The following PNKP variants were observed in gnomAD, a reference collection of about 807,000 sequenced individuals.
The protein encoded by PNKP is bifunctional polynucleotide phosphatase/kinase.
In PNKP, 82 loss-of-function variants were observed where a neutral mutation model predicts 66.2. The ratio of observed to expected loss-of-function variants is 1.24; its 90% CI spans 1.04 to 1.49. The LOEUF is 1.49. Among genes scored for constraint, PNKP ranks in the 40% most tolerant of loss-of-function variants. The pLI is 0.00. For missense variants in PNKP, 907 were observed against 706.8 expected (o/e 1.28, Z -3.21); for synonymous variants, 412 against 298.9 (o/e 1.38, Z -3.90).
chr19:49,862,318 C>T, intron 11 of PNKP, 37 bp from the exon 12 acceptor site: 2 of 1,544,524 alleles, frequency 1.3e-6, no homozygotes, highest in Non-Finnish European at 8.8e-7. Context: ...GATGCCGTCC[C>T]CATCCCCGGG....
intron 2 of PNKP, 101 bp downstream of exon 2, chr19:49,866,953 C>A: frequency 1.7e-6 from 2 of 1,162,878 alleles, no homozygotes; most frequent in Non-Finnish European, 2.6e-6. Context: ...GACTTCGGGG[C>A]TGGCTGCACC....
At chr19:49,866,857 C>T (rs948683065) in intron 2 of PNKP, 197 bp downstream of exon 2, 1 of 644,766 alleles carries the variant, frequency 1.6e-6, no homozygotes. Flanking sequence ...CCTAAATCGG[C>T]TCGATCCCCT....
rs766816785 is a variant in PNKP, at chr19:49,861,874, A to G, written c.1196T>C (p.Leu399Pro). ...GGTCACACAGCGCTGCCAGGAGCCT[A>G]GCGTGTCCTGGGGACACGAGAGGTC... Reference protein sequence around the residue: ...AGYVHVNRDTLGSWQRCVTTC... With the variant: ...AGYVHVNRDTPGSWQRCVTTC... Residue 399 changes from leucine to proline, a missense_variant, in exon 14 of 17, where the codon CTA (leucine) becomes CCA (proline). Coordinates refer to ENST00000322344, the MANE Select transcript of PNKP (RefSeq NM_007254.4). 51 of 1,589,730 alleles carry G rather than the reference A, an allele frequency of 3.2e-5. No individual in the cohort carries two copies. The highest frequency in any genetic ancestry group is 3.8e-5 in the Non-Finnish European group (45 of 1,170,898).
rs199541652 is a variant in PNKP at position 49,864,254 on chromosome 19, C to G, written c.579-18G>C. The G allele has an allele frequency of 6.2e-7, 1 of 1,613,976 alleles. No homozygotes were observed. Among genetic ancestry groups the G allele is most frequent in the African/African-American group, 1.3e-5 (1 of 75,016 alleles). ...ACAAGATCCTACGGCAGGTATGAAG[C>G]GGCAGGGGTGACCCGGGGCCAGAGG... On this transcript the variant is annotated intron_variant, in intron 5 of 16. Transcript: ENST00000322344.
intron 14 of PNKP, 28 bp downstream of exon 14, chr19:49,861,744 G>GCCA (rs2074766147): frequency 1.3e-6 from 2 of 1,555,746 alleles, no homozygotes. Flanking sequence ...CCCGCCGCAG[G>GCCA]CCACCTACGG....
intron 16 of PNKP, 21 bp from the exon 17 acceptor site, chr19:49,861,386 G>A: frequency 1.9e-6 from 3 of 1,613,860 alleles, no homozygotes; most frequent in Non-Finnish European, 2.5e-6. Flanking sequence ...TGGGAACAGT[G>A]AGGGACAGCC....
chr19:49,865,572 C>T (rs982997514), intron 3 of PNKP, 146 bp from the exon 4 acceptor site: 10 of 590,494 alleles, frequency 1.7e-5, no homozygotes, highest in African/African-American at 9.6e-5. Flanking sequence ...GGCTTTGGAA[C>T]GGTTACAGGT....
chr19:49,861,941 CG>C, intron 13 of PNKP, 60 bp from the exon 14 acceptor site: 1 of 1,578,516 alleles, frequency 6.3e-7, no homozygotes, highest in Non-Finnish European at 8.7e-7. Context: ...AGACCCCGAG[CG>C]GGGACGGGGA....
At position 49,867,048 on chromosome 19, in the gene PNKP, G is replaced by A. The variant is rs1387012816; in HGVS notation, c.151+6C>T. On this transcript the variant is annotated splice_donor_region_variant and intron_variant, in intron 2 of 16. Coordinates refer to ENST00000322344, the MANE Select transcript of PNKP (RefSeq NM_007254.4). ...CCACACCCCCTCCAGCTCAGGCCCC[G>A]CTCACCTTGAGTTCTGGAGCACTTC... 1.9e-6 allele frequency: 3 copies of A among 1,613,328 alleles called. No homozygotes were observed. The highest frequency in any genetic ancestry group is 2.7e-5 in the African/African-American group (2 of 74,904).
chr19:49,862,721 G>A lies in PNKP; in HGVS notation c.834C>T (p.Pro278=), dbSNP rs372595462. Residue 278 remains proline, a synonymous_variant, in exon 9 of 17, where the codon CCC becomes CCT. Transcript: ENST00000322344. ...HLQEQANDGT[P]ISIGDSIFVG... ...CAAAGATGCTGTCCCCGATGGATAT[G>A]GGCGTGCCGTCGTTGGCCTACGGGA... 1.5e-5 allele frequency: 25 copies of A among 1,614,010 alleles called. No individual in the cohort carries two copies. The African/African-American group carries it at 2.7e-4, about 17-fold the overall frequency.
chr19:49,862,631 TTC>T (rs761648621), intron 9 of PNKP, 23 bp from the exon 10 acceptor site: 1 of 1,613,948 alleles, frequency 6.2e-7, no homozygotes, highest in South Asian at 1.1e-5. Context: ...GGACACCCCG[TTC>T]CCACCAGCTC....
intron 7 of PNKP, 51 bp downstream of exon 7, chr19:49,863,913 C>T (rs775282770): frequency 6.7e-7 from 1 of 1,494,926 alleles, no homozygotes; most frequent in South Asian, 1.1e-5. Context: ...AAAGCCCTCG[C>T]TCTGGATCTC....
At position 49,863,961 on chromosome 19, in the gene PNKP, TACCTGGAAGGGG is replaced by T; in HGVS notation, c.735_744+2del. On this transcript the variant is annotated splice_donor_variant and coding_sequence_variant, in exon 7 of 17. Coordinates refer to ENST00000322344, the MANE Select transcript of PNKP (RefSeq NM_007254.4). LOFTEE classifies it high-confidence loss of function. ...TAGCTCCCAGCCTCCCTTCCAGCCA[TACCTGGAAGGGG>T]ACCCCCAGCTTCTCCACCACAGCCT... 1 of 1,608,602 alleles carries T rather than the reference TACCTGGAAGGGG, an allele frequency of 6.2e-7. No individual in the cohort carries two copies. The highest frequency in any genetic ancestry group is 8.5e-7 in the Non-Finnish European group (1 of 1,175,240).
chr19:49,865,059 G>T, intron 4 of PNKP, 68 bp downstream of exon 4: 1 of 1,361,908 alleles, frequency 7.3e-7, no homozygotes, highest in Non-Finnish European at 1.0e-6. Context: ...AAAGTTGAGA[G>T]CACGCAACAA....
At position 49,861,349 on chromosome 19, in the gene PNKP, G is replaced by T; in HGVS notation, c.1465C>A (p.Pro489Thr). 1 of 1,614,196 alleles carries T rather than the reference G, an allele frequency of 6.2e-7. No homozygotes were observed. Among genetic ancestry groups the T allele is most frequent in the Non-Finnish European group, 8.5e-7 (1 of 1,180,018 alleles). ...GCAGAGAAGCCTTCAGCCAGCGTTG[G>T]GGCCTCGAACTGCTTCCTGGCAGTG... ...MYGYRKQFEA[P>T]TLAEGFSAIL... The change falls in exon 17 of 17, where the codon CCA becomes ACA. Residue 489 changes from proline (P) to threonine (T), a missense_variant. By Grantham distance (38) the Pro-to-Thr change is conservative. Coordinates refer to ENST00000322344, the MANE Select transcript of PNKP (RefSeq NM_007254.4).
rs767045789 is a variant in PNKP at position 49,861,224 on chromosome 19, T to C, written c.*24A>G. On this transcript the variant is annotated 3_prime_UTR_variant, in exon 17 of 17. Transcript: ENST00000322344. ...CAAGCTCAAGGAGAAACAGCGTTTATTGTGGAGGGGAGCTGGGCGGGGCTC... is the reference window on the plus strand; with the variant it reads ...CAAGCTCAAGGAGAAACAGCGTTTACTGTGGAGGGGAGCTGGGCGGGGCTC... 2.7e-6 allele frequency: 4 copies of C among 1,466,148 alleles called. No individual in the cohort carries two copies. Among genetic ancestry groups the C allele is most frequent in the Non-Finnish European group, 3.8e-6 (4 of 1,045,900 alleles). 90.8% of individuals were successfully genotyped at this position (1,466,148 alleles called of 1,614,324 possible).
In PNKP at chr19:49,865,421, T is replaced by A; in HGVS notation, c.204A>T (p.Gly68=). 1 of 1,603,224 alleles carries A rather than the reference T, an allele frequency of 6.2e-7. No homozygotes were observed. Among genetic ancestry groups the A allele is most frequent in the South Asian group, 1.1e-5 (1 of 89,606 alleles). Residue 68 remains glycine, a synonymous_variant, in exon 4 of 17, where the codon GGA becomes GGT. Transcript: ENST00000322344. ...GGGTCCCGGTAGTTGAGGGGTTAAC[T>A]CCCAGCTGCAGAAAGAGAGGGAGGA... The part of the protein sequence containing the change: ...ETRTVAVKQL[G]VNPSTTGTQE...
In PNKP at chr19:49,867,221, G is replaced by T. The variant is rs754230279; in HGVS notation, c.-13-4C>A. ...CTCGCCCATCCTGGGTGCCGGCCTG[G>T]GGAGCAGGTAAACGGGCTTGAGCGG... is the stretch of plus-strand genomic sequence containing the variant. On this transcript the variant is annotated splice_polypyrimidine_tract_variant and splice_region_variant and intron_variant, in intron 1 of 16. Coordinates refer to ENST00000322344, the MANE Select transcript of PNKP (RefSeq NM_007254.4). The T allele has an allele frequency of 5.6e-6, 9 of 1,606,160 alleles. No individual in the cohort carries two copies. In the South Asian group the frequency reaches 8.8e-5, roughly 16 times the overall value.
chr19:49,862,844 T>C, intron 8 of PNKP, 106 bp from the exon 9 acceptor site: 2 of 1,210,670 alleles, frequency 1.7e-6, no homozygotes. Flanking sequence ...TCAGGAATCA[T>C]CCCCCGACCT....
Sources: allele counts gnomAD v4.1 joint callset, GRCh38; gene constraint gnomAD v4.1.1; transcripts MANE v1.5; gene names NCBI Gene and HGNC (gene_info 2026-07-23, HGNC 2026-07-21).